Variants in CPPED1 observed in about 807,000 individuals in gnomAD.
CPPED1 encodes serine/threonine-protein phosphatase CPPED1.
Under a neutral mutation model 28.0 loss-of-function variants are expected in CPPED1, and 28 were observed. The observed-to-expected ratio is 1.00, with a 90% CI of 0.74 to 1.37. The LOEUF (loss-of-function observed/expected upper bound fraction) is 1.37. Ranked by LOEUF, CPPED1 falls within the 40% of genes most tolerant of loss-of-function variation. The pLI is 0.00. For missense variants in CPPED1, 504 were observed against 416.5 expected (o/e 1.21, Z -1.83); for synonymous variants, 198 against 180.2 (o/e 1.10, Z -0.79).
intron 2 of CPPED1, among the ~76,000 whole-genome samples, chr16:12,728,309 A>G (rs186673740): frequency 1.3e-5 from 2 of 152,318 alleles, no homozygotes; most frequent in East Asian, 1.9e-4. Flanking sequence ...GTAGAGGTAT[A>G]ATTATGTGAT....
chr16:12,685,481 A>T (rs1472156431), intron 3 of CPPED1, among the ~76,000 whole-genome samples: 1 of 152,194 alleles, frequency 6.6e-6, no homozygotes, highest in Non-Finnish European at 1.5e-5. Context: ...AATGATAATA[A>T]TAGCAATAAT....
At chr16:12,731,201 T>A (rs2141205131) in intron 2 of CPPED1, among the ~76,000 whole-genome samples, 1 of 149,968 alleles carries the variant, frequency 6.7e-6, no homozygotes, top group South Asian at 2.1e-4. Context: ...TCTCCCAGGC[T>A]GGAGTGCAGT....
intron 2 of CPPED1, among the ~76,000 whole-genome samples, chr16:12,779,473 C>G (rs149286198): frequency 0.015 from 2,267 of 152,108 alleles, 57 homozygotes; most frequent in African/African-American, 0.052. Flanking sequence ...ACTGCAATCT[C>G]TGCCTCCCGA....
At chr16:12,665,230 T>C (rs747076454) in intron 3 of CPPED1, 115 bp from the exon 4 acceptor site, 54 of 865,774 alleles carry the variant, frequency 6.2e-5, no homozygotes, top group Non-Finnish European at 8.5e-5. Flanking sequence ...TATACCATCA[T>C]GTAGAATTAT....
chr16:12,705,539 C>A (rs1262824569), intron 2 of CPPED1, among the ~76,000 whole-genome samples: 1 of 152,194 alleles, frequency 6.6e-6, no homozygotes, highest in African/African-American at 2.4e-5. Context: ...ACGTGGATCA[C>A]CTGAGGTCAG....
chr16:12,747,665 G>A (rs1240869928), intron 2 of CPPED1, among the ~76,000 whole-genome samples: 1 of 151,924 alleles, frequency 6.6e-6, no homozygotes. Context: ...CAATCTGCCC[G>A]CCTCAGCCTC....
At chr16:12,691,526 C>T (rs375364325) in intron 3 of CPPED1, among the ~76,000 whole-genome samples, 3 of 152,048 alleles carry the variant, frequency 2.0e-5, no homozygotes, top group East Asian at 1.9e-4. Flanking sequence ...ATGTTTATTG[C>T]GGCATTATTC....
At chr16:12,701,957 C>T (rs2080023017) in intron 3 of CPPED1, among the ~76,000 whole-genome samples, 1 of 152,166 alleles carries the variant, frequency 6.6e-6, no homozygotes, top group Non-Finnish European at 1.5e-5. Flanking sequence ...TACCAAGCAG[C>T]CTCCTGATTA....
chr16:12,679,068 G>A (rs1713468), intron 3 of CPPED1, among the ~76,000 whole-genome samples: 129,433 of 152,256 alleles, frequency 0.85, 55,908 homozygotes, highest in African/African-American at 0.93. Context: ...AGTTTGATCA[G>A]TGAAAGCTCA....
At chr16:12,798,033 A>T (rs1405088579) in intron 1 of CPPED1, among the ~76,000 whole-genome samples, 1 of 152,196 alleles carries the variant, frequency 6.6e-6, no homozygotes, top group African/African-American at 2.4e-5. Context: ...CAAATCAGCC[A>T]TGATCACACC....
In CPPED1 at chr16:12,660,495, ATATG is replaced by A. The variant is rs1391253033; in HGVS notation, c.*4387_*4390del. The A allele has an allele frequency of 3.4e-4, 46 of 136,164 alleles. No individual in the cohort carries two copies. The highest frequency in any genetic ancestry group is 1.4e-3 in the African/African-American group (46 of 33,438). The allele number at this position is 136,164 out of a possible 1,614,324, so 8.4% of individuals were successfully genotyped here. A position where few individuals can be genotyped will look rare whatever the true frequency, so the allele number is the denominator to read the frequency against. ...AAGAAAAGAATCCTCCACTTTTACT[ATATG>A]TGTGTGTGTGTGTGTGTGTGTGTGT... On this transcript the variant is annotated 3_prime_UTR_variant, in exon 4 of 4. Transcript: ENST00000381774.
At chr16:12,787,895 C>A (rs943700973) in intron 1 of CPPED1, among the ~76,000 whole-genome samples, 1 of 152,202 alleles carries the variant, frequency 6.6e-6, no homozygotes, top group Non-Finnish European at 1.5e-5. Context: ...CAAGCTGCAA[C>A]AGAAGTGTTG....
chr16:12,750,223 G>A (rs1283786721), intron 2 of CPPED1, among the ~76,000 whole-genome samples: 1 of 152,204 alleles, frequency 6.6e-6, no homozygotes, highest in Non-Finnish European at 1.5e-5. Context: ...TTTCCTTTAA[G>A]AACTTTTCCT....
intron 3 of CPPED1, among the ~76,000 whole-genome samples, chr16:12,673,061 G>A (rs977787282): frequency 6.6e-6 from 1 of 152,016 alleles, no homozygotes; most frequent in Non-Finnish European, 1.5e-5. Context: ...GAAACATTAG[G>A]GCAACATGAA....
chr16:12,701,595 G>A (rs2080021066), intron 3 of CPPED1, among the ~76,000 whole-genome samples: 1 of 152,164 alleles, frequency 6.6e-6, no homozygotes, highest in Admixed American at 6.5e-5. Context: ...TGGAGGGGAA[G>A]GCAGATGTGA....
chr16:12,740,019 A>G (rs974443623), intron 2 of CPPED1, among the ~76,000 whole-genome samples: 2 of 148,534 alleles, frequency 1.3e-5, no homozygotes, highest in African/African-American at 5.1e-5. Flanking sequence ...GGAAAGAAAG[A>G]CGAAAGAAAG....
intron 2 of CPPED1, among the ~76,000 whole-genome samples, chr16:12,776,517 C>G (rs576224581): frequency 6.6e-6 from 1 of 152,280 alleles, no homozygotes; most frequent in South Asian, 2.1e-4. Flanking sequence ...TGGGGGGGTT[C>G]TTTCTCATGC....
chr16:12,796,769 T>C (rs1272769723), intron 1 of CPPED1, among the ~76,000 whole-genome samples: 2 of 152,146 alleles, frequency 1.3e-5, no homozygotes, highest in Admixed American at 6.5e-5. Flanking sequence ...AGAAGATGTG[T>C]CTGTGACTGT....
chr16:12,759,726 G>T (rs1371969341), intron 2 of CPPED1, among the ~76,000 whole-genome samples: 1 of 152,220 alleles, frequency 6.6e-6, no homozygotes, highest in African/African-American at 2.4e-5. Flanking sequence ...GTTTAAAAGT[G>T]TTGGGCAGTT....
Sources: allele counts gnomAD v4.1 joint callset (sites outside exome capture counted in the v4.1 genomes callset), GRCh38; gene constraint gnomAD v4.1.1; transcripts MANE v1.5; gene names NCBI Gene and HGNC (gene_info 2026-07-23, HGNC 2026-07-21).